DKK2: variants seen among roughly 807,000 people sequenced by gnomAD.
DKK2 encodes the protein dickkopf Wnt signaling pathway inhibitor 2.
A neutral mutation model predicts 28.1 loss-of-function variants in DKK2; 11 were observed. The observed-to-expected ratio is 0.39, with a 90% CI of 0.25 to 0.65. The LOEUF (loss-of-function observed/expected upper bound fraction) is 0.65. Among genes scored for constraint, DKK2 ranks in the 30% least tolerant of loss-of-function variants. DKK2 has a pLI of 0.47. For missense variants in DKK2, 326 were observed against 335.5 expected (o/e 0.97, Z 0.22); for synonymous variants, 135 against 126.5 (o/e 1.07, Z -0.45).
At chr4:107,011,050 G>T (rs1184635432) in intron 1 of DKK2, among the ~76,000 whole-genome samples, 1 of 151,246 alleles carries the variant, frequency 6.6e-6, no homozygotes, top group Non-Finnish European at 1.5e-5. Context: ...GAATTTTTTT[G>T]GTGGATGTTT....
At chr4:106,964,995 A>AGAT (rs1312516518) in intron 1 of DKK2, among the ~76,000 whole-genome samples, 5 of 149,982 alleles carry the variant, frequency 3.3e-5, no homozygotes, top group African/African-American at 1.3e-4. Context: ...ATAGATAGAT[A>AGAT]GATAGATAGA....
At chr4:106,931,872 C>T (rs1461926062) in intron 1 of DKK2, among the ~76,000 whole-genome samples, 1 of 152,084 alleles carries the variant, frequency 6.6e-6, no homozygotes, top group Non-Finnish European at 1.5e-5. Context: ...GTTTAAGATG[C>T]CCTGATCAAT....
At chr4:107,030,673 C>A (rs534131887) in intron 1 of DKK2, among the ~76,000 whole-genome samples, 1 of 152,064 alleles carries the variant, frequency 6.6e-6, no homozygotes, top group East Asian at 1.9e-4. Context: ...GCTGTTAATT[C>A]AATACTAAAG....
intron 1 of DKK2, among the ~76,000 whole-genome samples, chr4:107,032,691 T>A (rs1578385723): frequency 6.6e-6 from 1 of 152,122 alleles, no homozygotes; most frequent in African/African-American, 2.4e-5. Flanking sequence ...CTGAAAGGAA[T>A]ATATTTCAAC....
intron 1 of DKK2, among the ~76,000 whole-genome samples, chr4:106,940,146 A>C (rs2110343336): frequency 6.6e-6 from 1 of 152,364 alleles, no homozygotes; most frequent in Middle Eastern, 3.4e-3. Context: ...GCACAGCAAA[A>C]GAAACTACCA....
chr4:107,000,634 T>C (rs1723345428), intron 1 of DKK2, among the ~76,000 whole-genome samples: 1 of 152,218 alleles, frequency 6.6e-6, no homozygotes, highest in Non-Finnish European at 1.5e-5. Flanking sequence ...CTGTTCCAGA[T>C]TTCCAAAGTT....
At chr4:106,982,311 G>A (rs548642514) in intron 1 of DKK2, among the ~76,000 whole-genome samples, 1 of 152,212 alleles carries the variant, frequency 6.6e-6, no homozygotes, top group South Asian at 2.1e-4. Flanking sequence ...AAGAGAGAGG[G>A]GGAAGAAAGA....
At chr4:106,973,318 T>C (rs1277059655) in intron 1 of DKK2, among the ~76,000 whole-genome samples, 1 of 152,232 alleles carries the variant, frequency 6.6e-6, no homozygotes, top group Non-Finnish European at 1.5e-5. Context: ...CCACACTGTC[T>C]TCCACAATGG....
chr4:106,950,271 T>G (rs1184577331), intron 1 of DKK2, among the ~76,000 whole-genome samples: 3 of 152,176 alleles, frequency 2.0e-5, no homozygotes, highest in Non-Finnish European at 4.4e-5. Flanking sequence ...GCAATTCTAA[T>G]TTCCCTTCTC....
chr4:107,035,652 G>T lies in DKK2; in HGVS notation c.-61C>A, dbSNP rs1723953730. On this transcript the variant is annotated 5_prime_UTR_variant, in exon 1 of 4. Transcript: ENST00000285311. ...CCGGAGGGGTGGGAATGCAAAGGGA[G>T]GGAGGACCCCAACACGGGGCCCCTC... The T allele has an allele frequency of 6.3e-7, 1 of 1,582,966 alleles. No homozygotes were observed. The highest frequency in any genetic ancestry group is 2.2e-5 in the East Asian group (1 of 44,654).
intron 3 of DKK2, 91 bp from the exon 4 acceptor site, chr4:106,924,295 T>C (rs1250511075): frequency 6.8e-7 from 1 of 1,478,432 alleles, no homozygotes; most frequent in African/African-American, 1.4e-5. Context: ...ATATTTTTAC[T>C]TATACTATCT....
At chr4:107,028,969 T>C (rs760718812) in intron 1 of DKK2, among the ~76,000 whole-genome samples, 4 of 152,132 alleles carry the variant, frequency 2.6e-5, no homozygotes, top group Non-Finnish European at 5.9e-5. Context: ...GGTGACACTA[T>C]AATTTATACT....
chr4:107,001,599 TTGG>T (rs886084473), intron 1 of DKK2, among the ~76,000 whole-genome samples: 1 of 152,212 alleles, frequency 6.6e-6, no homozygotes, highest in African/African-American at 2.4e-5. Context: ...TGGAAGATGC[TTGG>T]TGCTCAGTAA....
At chr4:106,936,015 A>G (rs1221186899) in intron 1 of DKK2, among the ~76,000 whole-genome samples, 1 of 152,028 alleles carries the variant, frequency 6.6e-6, no homozygotes, top group Non-Finnish European at 1.5e-5. Context: ...AAAGATGGGG[A>G]AAAAACAGAA....
chr4:106,956,588 A>T (rs564850151), intron 1 of DKK2, among the ~76,000 whole-genome samples: 8 of 152,344 alleles, frequency 5.3e-5, no homozygotes, highest in African/African-American at 1.9e-4. Context: ...AGCCCTCAGA[A>T]ATAACACTGC....
intron 1 of DKK2, among the ~76,000 whole-genome samples, chr4:107,012,911 A>G (rs1723536301): frequency 6.7e-6 from 1 of 150,292 alleles, no homozygotes; most frequent in Non-Finnish European, 1.5e-5. Context: ...TTATCTCTTA[A>G]TATATTTTAT....
intron 1 of DKK2, among the ~76,000 whole-genome samples, chr4:106,945,714 T>TGAA (rs1301049634): frequency 3.3e-5 from 5 of 152,078 alleles, no homozygotes; most frequent in Non-Finnish European, 7.4e-5. Flanking sequence ...CACTGCTGAG[T>TGAA]CCTCAACCAT....
intron 1 of DKK2, among the ~76,000 whole-genome samples, chr4:107,003,404 C>T (rs1578374687): frequency 6.6e-6 from 1 of 152,226 alleles, no homozygotes; most frequent in Non-Finnish European, 1.5e-5. Flanking sequence ...TAGCATTGTG[C>T]TCACGCTCTA....
chr4:107,017,356 C>T (rs977055461), intron 1 of DKK2, among the ~76,000 whole-genome samples: 3 of 151,944 alleles, frequency 2.0e-5, no homozygotes, highest in Non-Finnish European at 2.9e-5. Flanking sequence ...GCAATTATAG[C>T]TGTTTAAAGG....
Sources: allele counts gnomAD v4.1 joint callset (sites outside exome capture counted in the v4.1 genomes callset), GRCh38; gene constraint gnomAD v4.1.1; transcripts MANE v1.5; gene names NCBI Gene and HGNC (gene_info 2026-07-23, HGNC 2026-07-21).